RSRC1: variants seen among roughly 807,000 people sequenced by gnomAD.
The protein encoded by RSRC1 is arginine and serine rich coiled-coil 1.
Under a neutral mutation model 49.1 loss-of-function variants are expected in RSRC1, and 39 were observed. That is an observed-to-expected ratio of 0.79 (90% CI 0.61 to 1.04). The LOEUF (loss-of-function observed/expected upper bound fraction) is 1.04, where lower values mean the gene tolerates loss of function less well. Among genes scored for constraint, RSRC1 ranks in the 50% least tolerant of loss-of-function variants. The probability of loss-of-function intolerance (pLI) is 0.00; values close to 1 mark genes in which losing one functional copy is unlikely to be tolerated. For missense variants in RSRC1, 388 were observed against 402.4 expected (o/e 0.96, Z 0.31); for synonymous variants, 143 against 130.8 (o/e 1.09, Z -0.63).
chr3:158,442,446 A>T (rs1399690686), intron 6 of RSRC1, among the ~76,000 whole-genome samples: 1 of 151,842 alleles, frequency 6.6e-6, no homozygotes, highest in Non-Finnish European at 1.5e-5. Context: ...CTAAGGAACA[A>T]TTTTTTTTGT....
At chr3:158,467,798 C>A (rs1260592351) in intron 7 of RSRC1, among the ~76,000 whole-genome samples, 2 of 152,170 alleles carry the variant, frequency 1.3e-5, no homozygotes, top group Non-Finnish European at 2.9e-5. Flanking sequence ...ACTTCAGAAA[C>A]TGTATTTTGT....
intron 6 of RSRC1, among the ~76,000 whole-genome samples, chr3:158,420,436 T>G (rs1318749048): frequency 6.6e-6 from 1 of 151,916 alleles, no homozygotes; most frequent in Non-Finnish European, 1.5e-5. Context: ...GATCTCTGAT[T>G]AGCAATGTGA....
intron 7 of RSRC1, among the ~76,000 whole-genome samples, chr3:158,532,201 A>G (rs1183440870): frequency 6.6e-6 from 1 of 151,884 alleles, no homozygotes; most frequent in Non-Finnish European, 1.5e-5. Context: ...TTTTTGTAAC[A>G]TAAAATGCAT....
intron 6 of RSRC1, among the ~76,000 whole-genome samples, chr3:158,365,395 G>A (rs1411365734): frequency 9.9e-5 from 15 of 151,990 alleles, no homozygotes; most frequent in African/African-American, 2.9e-4. Context: ...GAGAACATGC[G>A]GTGTTTGGTT....
At chr3:158,267,076 A>G (rs959722468) in intron 4 of RSRC1, among the ~76,000 whole-genome samples, 1 of 152,090 alleles carries the variant, frequency 6.6e-6, no homozygotes, top group Non-Finnish European at 1.5e-5. Flanking sequence ...TTTCACCTTC[A>G]GTTTTGAATG....
At chr3:158,275,716 G>T in intron 4 of RSRC1, 1 of 388,128 alleles carries the variant, frequency 2.6e-6, no homozygotes. Flanking sequence ...GAAATAATCT[G>T]CAGACTAGTT....
At chr3:158,430,571 G>A (rs569874626) in intron 6 of RSRC1, among the ~76,000 whole-genome samples, 5 of 151,842 alleles carry the variant, frequency 3.3e-5, no homozygotes, top group Admixed American at 6.6e-5. Context: ...AAAATTCTGC[G>A]TATGTTTAAC....
intron 7 of RSRC1, among the ~76,000 whole-genome samples, chr3:158,502,152 G>A (rs1455213455): frequency 6.6e-6 from 1 of 152,130 alleles, no homozygotes; most frequent in Non-Finnish European, 1.5e-5. Flanking sequence ...AAAATTCTTG[G>A]CTAATAATTG....
intron 3 of RSRC1, among the ~76,000 whole-genome samples, chr3:158,195,777 T>C (rs1284921909): frequency 1.3e-5 from 2 of 152,206 alleles, no homozygotes; most frequent in Non-Finnish European, 2.9e-5. Flanking sequence ...TTTCTTGTTT[T>C]TGTCAGTTTG....
intron 7 of RSRC1, among the ~76,000 whole-genome samples, chr3:158,497,622 A>T (rs909447318): frequency 6.6e-6 from 1 of 151,770 alleles, no homozygotes; most frequent in Non-Finnish European, 1.5e-5. Flanking sequence ...TTTTTAGTAG[A>T]GATGTGGTTT....
chr3:158,442,117 T>C (rs902834343), intron 6 of RSRC1, among the ~76,000 whole-genome samples: 1 of 152,150 alleles, frequency 6.6e-6, no homozygotes, highest in Non-Finnish European at 1.5e-5. Context: ...TCTGAGCCTT[T>C]AGTGAGGAGG....
intron 6 of RSRC1, among the ~76,000 whole-genome samples, chr3:158,456,121 AC>A (rs998337177): frequency 1.3e-4 from 19 of 151,790 alleles, no homozygotes; most frequent in African/African-American, 4.6e-4. Flanking sequence ...ATAACAAACA[AC>A]CCCAAAACTT....
chr3:158,320,499 T>C (rs1351840100), intron 5 of RSRC1, among the ~76,000 whole-genome samples: 2 of 152,202 alleles, frequency 1.3e-5, no homozygotes, highest in African/African-American at 2.4e-5. Flanking sequence ...CAACTAACCA[T>C]TTAGAATCTT....
At chr3:158,464,117 A>G (rs1005630578) in intron 7 of RSRC1, among the ~76,000 whole-genome samples, 5 of 152,110 alleles carry the variant, frequency 3.3e-5, no homozygotes, top group African/African-American at 1.2e-4. Flanking sequence ...TAAATAATTG[A>G]CTTACTCTTT....
chr3:158,234,238 C>T (rs1578225429), intron 4 of RSRC1, among the ~76,000 whole-genome samples: 1 of 152,146 alleles, frequency 6.6e-6, no homozygotes, highest in African/African-American at 2.4e-5. Context: ...TGTGCTATAG[C>T]ATATATTATA....
In RSRC1 at chr3:158,518,063, A is replaced by G. The variant is rs559058491; in HGVS notation, c.653-19029A>G. ...ATACAATTTGATTTCATTTATTTTT[A>G]TATAAATTATGCATATGTACGTAAG... On this transcript the variant is annotated intron_variant, in intron 7 of 9. Coordinates refer to ENST00000611884, the MANE Select transcript of RSRC1 (RefSeq NM_001271838.2). Among the ~76,000 whole-genome samples, 139 of 138,360 alleles carry G rather than the reference A, an allele frequency of 1.0e-3. 2 individuals are homozygous for G. Among genetic ancestry groups the G allele is most frequent in the Non-Finnish European group, 1.1e-3 (71 of 65,206 alleles). 90.8% of individuals were successfully genotyped at this position (138,360 alleles called of 152,430 possible).
intron 4 of RSRC1, among the ~76,000 whole-genome samples, chr3:158,210,422 G>T (rs1244513589): frequency 6.7e-6 from 1 of 148,392 alleles, no homozygotes; most frequent in Non-Finnish European, 1.5e-5. Flanking sequence ...TAAATGTTTG[G>T]TTCGAAAGCA....
intron 6 of RSRC1, among the ~76,000 whole-genome samples, chr3:158,365,507 A>T (rs534633532): frequency 7.2e-4 from 110 of 152,296 alleles, no homozygotes; most frequent in African/African-American, 2.6e-3. Context: ...ATAGTATTCC[A>T]TGTTGTATAT....
chr3:158,301,983 G>GT (rs1267952900), intron 5 of RSRC1, among the ~76,000 whole-genome samples: 3 of 73,030 alleles, frequency 4.1e-5, no homozygotes, highest in Admixed American at 1.4e-4. Context: ...GTTTTTTGGG[G>GT]TTTTTTTGTT....
Sources: allele counts gnomAD v4.1 joint callset (sites outside exome capture counted in the v4.1 genomes callset), GRCh38; gene constraint gnomAD v4.1.1; transcripts MANE v1.5; gene names NCBI Gene and HGNC (gene_info 2026-07-23, HGNC 2026-07-21).